The following IQCB1 variants were observed in gnomAD, a reference collection of about 807,000 sequenced individuals.
The protein encoded by IQCB1 is IQ calmodulin-binding motif-containing protein 1.
IQCB1 carries 56 observed loss-of-function variants against 84.4 expected under a neutral mutation model. The observed-to-expected ratio is 0.66, with a 90% CI of 0.54 to 0.83. The LOEUF (loss-of-function observed/expected upper bound fraction) is 0.83. Among genes scored for constraint, IQCB1 ranks in the 40% least tolerant of loss-of-function variants. The pLI, the probability that IQCB1 is intolerant of heterozygous loss-of-function variation, is 0.00. For synonymous variants in IQCB1, 210 were observed against 234.8 expected (o/e 0.89, Z 0.96); for missense variants, 629 against 682.1 (o/e 0.92, Z 0.87).
intron 5 of IQCB1, among the ~76,000 whole-genome samples, chr3:121,820,282 C>T (rs747334745): frequency 9.2e-5 from 14 of 152,164 alleles, no homozygotes; most frequent in South Asian, 2.1e-4. Context: ...TTCATCTCTT[C>T]GAGATGACAA....
At chr3:121,827,300 A>G (rs1237366094) in intron 4 of IQCB1, among the ~76,000 whole-genome samples, 2 of 152,078 alleles carry the variant, frequency 1.3e-5, no homozygotes, top group Non-Finnish European at 1.5e-5. Flanking sequence ...TAATATTTAC[A>G]TGTATCACTT....
At chr3:121,814,024 T>C (rs1405975143) in intron 5 of IQCB1, among the ~76,000 whole-genome samples, 2 of 152,108 alleles carry the variant, frequency 1.3e-5, no homozygotes, top group African/African-American at 2.4e-5. Context: ...TAATTGGAAG[T>C]AAAACACTCC....
intron 12 of IQCB1, 141 bp from the exon 13 acceptor site, chr3:121,782,015 A>C (rs1423402749): frequency 1.2e-6 from 1 of 803,952 alleles, no homozygotes; most frequent in Non-Finnish European, 2.1e-6. Flanking sequence ...GGACTGTGAC[A>C]AAATGCAGGA....
chr3:121,827,493 T>C (rs956371770), intron 4 of IQCB1, among the ~76,000 whole-genome samples: 1 of 152,150 alleles, frequency 6.6e-6, no homozygotes, highest in Non-Finnish European at 1.5e-5. Context: ...TGGGAATTTC[T>C]TAAGTCTTGA....
chr3:121,792,404 A>T (rs1191193434), intron 10 of IQCB1, among the ~76,000 whole-genome samples: 1 of 152,100 alleles, frequency 6.6e-6, no homozygotes, highest in Non-Finnish European at 1.5e-5. Context: ...TCACGCTTGT[A>T]ATCCCAGCAC....
At chr3:121,774,075 T>A (rs1576531577) in intron 13 of IQCB1, among the ~76,000 whole-genome samples, 1 of 151,412 alleles carries the variant, frequency 6.6e-6, no homozygotes, top group African/African-American at 2.4e-5. Context: ...ACAACCTGAT[T>A]AAAAAATGAA....
chr3:121,774,446 A>G (rs921779359), intron 13 of IQCB1, among the ~76,000 whole-genome samples: 1 of 152,230 alleles, frequency 6.6e-6, no homozygotes, highest in Non-Finnish European at 1.5e-5. Flanking sequence ...ACCCAAAAGA[A>G]TTGAAAGCAA....
intron 13 of IQCB1, 60 bp downstream of exon 13, chr3:121,781,683 C>A: frequency 1.4e-6 from 2 of 1,380,480 alleles, no homozygotes; most frequent in Non-Finnish European, 2.1e-6. Flanking sequence ...TGTGTGTGTA[C>A]AGTTATCAAT....
rs1038880186 is a variant in IQCB1, at chr3:121,797,194, C to A, written c.800G>T (p.Gly267Val). Reference sequence around the variant, plus strand: ...TCTAAGTTCTTGACTGAATTCAGTCCCAGTTTCCTGTTTACTTAGTAGACG... The same window carrying A: ...TCTAAGTTCTTGACTGAATTCAGTCACAGTTTCCTGTTTACTTAGTAGACG... Reference protein sequence around the residue: ...LRRLLSKQETGTEFSQELRQL... With the variant: ...LRRLLSKQETVTEFSQELRQL... The change falls in exon 9 of 15, where the codon GGG becomes GTG. Residue 267 changes from glycine to valine, a missense_variant. By Grantham distance (109) the Gly-to-Val change is moderately radical. Transcript: ENST00000310864. 2.5e-6 allele frequency: 4 copies of A among 1,607,352 alleles called. No homozygotes were observed. Among genetic ancestry groups the A allele is most frequent in the East Asian group, 2.2e-5 (1 of 44,812 alleles).
intron 5 of IQCB1, among the ~76,000 whole-genome samples, chr3:121,825,419 A>G (rs1378984155): frequency 6.6e-6 from 1 of 152,204 alleles, no homozygotes; most frequent in Non-Finnish European, 1.5e-5. Context: ...GGGCCATAAA[A>G]CAAGTCTGAA....
chr3:121,831,861 T>C (rs1950652797), intron 2 of IQCB1, among the ~76,000 whole-genome samples: 1 of 152,232 alleles, frequency 6.6e-6, no homozygotes, highest in Non-Finnish European at 1.5e-5. Flanking sequence ...CGGCACATAG[T>C]AGTCACAAAA....
intron 5 of IQCB1, among the ~76,000 whole-genome samples, chr3:121,812,761 T>C (rs1362567823): frequency 6.6e-6 from 1 of 152,090 alleles, no homozygotes; most frequent in Non-Finnish European, 1.5e-5. Flanking sequence ...CCAAGGAATA[T>C]GGAACTATGT....
rs925117865 is a variant in IQCB1 at position 121,783,577 on chromosome 3, G to A, written c.1279-1703C>T. On this transcript the variant is annotated intron_variant, in intron 12 of 14. Coordinates refer to ENST00000310864, the MANE Select transcript of IQCB1 (RefSeq NM_001023570.4). ...CCCATGCTTTGTTTTCCATACTACC[G>A]ATTATATTTTACAAACTCTGCCCTA... Among the ~76,000 whole-genome samples the A allele has an allele frequency of 5.9e-5, 9 of 151,910 alleles. 1 individual carries two copies. The highest frequency in any genetic ancestry group is 2.2e-4 in the African/African-American group (9 of 41,328).
At chr3:121,811,345 T>C (rs1010896480) in intron 5 of IQCB1, among the ~76,000 whole-genome samples, 1 of 152,180 alleles carries the variant, frequency 6.6e-6, no homozygotes, top group African/African-American at 2.4e-5. Context: ...GTCAGCTGTT[T>C]GGGCAGACAC....
intron 5 of IQCB1, 33 bp from the exon 6 acceptor site, chr3:121,809,042 C>A: frequency 3.5e-4 from 413 of 1,170,154 alleles, no homozygotes; most frequent in Non-Finnish European, 4.7e-4. Flanking sequence ...GTTTACTTTT[C>A]TATAGTTTTT....
At position 121,770,569 on chromosome 3, in the gene IQCB1, G is replaced by A. The variant is rs1445502603; in HGVS notation, c.1573C>T (p.Pro525Ser). 6.2e-7 allele frequency: 1 copy of A among 1,611,882 alleles called. No homozygotes were observed. The highest frequency in any genetic ancestry group is 1.6e-4 in the Middle Eastern group (1 of 6,062). Residue 525 changes from proline to serine, a missense_variant, in exon 15 of 15, where the codon CCA becomes TCA. Coordinates refer to ENST00000310864, the MANE Select transcript of IQCB1 (RefSeq NM_001023570.4). The part of the protein sequence containing the change: ...STNVEQLMKA[P>S]SLKEAEGKEP... ...TTCCCTTCTGCCTCCTTCAGACTTG[G>A]TGCCTCTGTAGTGGACAGAAAATAA...
intron 10 of IQCB1, among the ~76,000 whole-genome samples, chr3:121,792,434 T>C (rs1339512424): frequency 6.6e-6 from 1 of 151,130 alleles, no homozygotes; most frequent in Admixed American, 6.6e-5. Flanking sequence ...CCGAGGCGGG[T>C]GGATCACGAG....
At chr3:121,798,397 G>A (rs768181701) in intron 8 of IQCB1, among the ~76,000 whole-genome samples, 1 of 151,688 alleles carries the variant, frequency 6.6e-6, no homozygotes. Flanking sequence ...TCCTGACCAC[G>A]CTGAATAAGA....
chr3:121,795,310 A>G (rs930334201), intron 10 of IQCB1, 147 bp downstream of exon 10: 2 of 677,540 alleles, frequency 3.0e-6, no homozygotes, highest in Non-Finnish European at 5.4e-6. Flanking sequence ...TGGTTACTGG[A>G]GTGTTGGTAC....
Sources: allele counts gnomAD v4.1 joint callset (sites outside exome capture counted in the v4.1 genomes callset), GRCh38; gene constraint gnomAD v4.1.1; transcripts MANE v1.5; gene names NCBI Gene and HGNC (gene_info 2026-07-23, HGNC 2026-07-21).